Variants in ELOVL6 observed in about 807,000 individuals in gnomAD.
ELOVL6 encodes very long chain fatty acid elongase 6.
ELOVL6 carries 8 observed loss-of-function variants against 31.7 expected under a neutral mutation model. The observed-to-expected ratio is 0.25, with a 90% CI of 0.15 to 0.45. The LOEUF (loss-of-function observed/expected upper bound fraction) is 0.45. Among genes scored for constraint, ELOVL6 ranks in the 20% least tolerant of loss-of-function variants. ELOVL6 has a pLI of 1.00. For synonymous variants in ELOVL6, 101 were observed against 117.7 expected, an observed-to-expected ratio of 0.86 and a Z score of 0.92; for missense variants, 126 against 326.4, an observed-to-expected ratio of 0.39 and a Z score of 4.73.
At chr4:110,056,125 G>GGC (rs1553953513) in intron 3 of ELOVL6, among the ~76,000 whole-genome samples, 3 of 141,964 alleles carry the variant, frequency 2.1e-5, no homozygotes, top group African/African-American at 8.5e-5. Context: ...TGGGAGCTGG[G>GGC]GGGGGGGATA....
At chr4:110,067,581 G>A (rs2126225493) in intron 2 of ELOVL6, among the ~76,000 whole-genome samples, 1 of 152,238 alleles carries the variant, frequency 6.6e-6, no homozygotes, top group East Asian at 1.9e-4. Context: ...GAAGTGCCAA[G>A]AAATGTCCTC....
intron 2 of ELOVL6, among the ~76,000 whole-genome samples, chr4:110,081,883 A>T (rs1284046433): frequency 6.6e-6 from 1 of 150,840 alleles, no homozygotes; most frequent in Non-Finnish European, 1.5e-5. Context: ...CAAAGAACTC[A>T]AACAAATTTA....
At chr4:110,104,793 G>C (rs1756840662) in intron 2 of ELOVL6, among the ~76,000 whole-genome samples, 1 of 152,082 alleles carries the variant, frequency 6.6e-6, no homozygotes, top group Non-Finnish European at 1.5e-5. Context: ...AATTAGTCTT[G>C]TGATTGCCTA....
At chr4:110,115,482 G>T (rs984968185) in intron 1 of ELOVL6, among the ~76,000 whole-genome samples, 4 of 152,176 alleles carry the variant, frequency 2.6e-5, no homozygotes, top group Non-Finnish European at 5.9e-5. Context: ...GATGGCTCAT[G>T]CCTGTAATCC....
Position 110,051,877 on chromosome 4 carries a change from G to A in ELOVL6, c.374-115C>T. The A allele has an allele frequency of 1.2e-6, 1 of 828,094 alleles. No homozygotes were observed. Among genetic ancestry groups the A allele is most frequent in the Non-Finnish European group, 1.9e-6 (1 of 523,062 alleles). The allele number at this position is 828,094 out of a possible 1,614,324, so 51.3% of individuals were successfully genotyped here. On this transcript the variant is annotated intron_variant, in intron 3 of 3. Transcript: ENST00000302274. This position sits in a 1 kb window ranked among gnomAD's most constrained non-coding sequence, Gnocchi z 4.8. Reference sequence around the variant, plus strand: ...TAGGACTGGAGAGTTACATAGACTGGATTAGAACCCTGAACTGGTACTTAC... The same window carrying A: ...TAGGACTGGAGAGTTACATAGACTGAATTAGAACCCTGAACTGGTACTTAC...
At chr4:110,131,981 G>T (rs1385639080) in intron 1 of ELOVL6, among the ~76,000 whole-genome samples, 1 of 152,204 alleles carries the variant, frequency 6.6e-6, no homozygotes, top group Admixed American at 6.5e-5. Flanking sequence ...GGGGGAAGAG[G>T]TGCTTCTGCA....
chr4:110,183,378 C>T (rs1408218047), intron 1 of ELOVL6, among the ~76,000 whole-genome samples: 1 of 152,106 alleles, frequency 6.6e-6, no homozygotes, highest in Non-Finnish European at 1.5e-5. Flanking sequence ...CGGGCAGAAC[C>T]AATATATACC....
intron 3 of ELOVL6, among the ~76,000 whole-genome samples, chr4:110,056,129 G>GT (rs1553953533): frequency 7.0e-6 from 1 of 143,138 alleles, no homozygotes; most frequent in Non-Finnish European, 1.5e-5. Context: ...AGCTGGGGGG[G>GT]GGGATACAGT....
At position 110,046,128 on chromosome 4, in the gene ELOVL6, T is replaced by C. The variant is rs1055201300; in HGVS notation, c.*5210A>G. The stretch of plus-strand genomic sequence containing the variant: ...TGAAACGAGTATGACCAGGGAGGAC[T>C]GTTAGGCTACTTCTGTGGCCTTCTT... On this transcript the variant is annotated 3_prime_UTR_variant, in exon 4 of 4. Transcript: ENST00000302274. 2 of 152,154 alleles carry C rather than the reference T, an allele frequency of 1.3e-5. No individual in the cohort carries two copies. The highest frequency in any genetic ancestry group is 1.3e-4 in the Admixed American group (2 of 15,274). 9.4% of individuals were successfully genotyped at this position (152,154 alleles called of 1,614,324 possible).
At chr4:110,081,459 A>C (rs1488934175) in intron 2 of ELOVL6, among the ~76,000 whole-genome samples, 6 of 152,092 alleles carry the variant, frequency 3.9e-5, no homozygotes, top group African/African-American at 7.2e-5. Context: ...ACCATCTGAT[A>C]TTTGACAAAC....
At chr4:110,070,539 T>A (rs1043141295) in intron 2 of ELOVL6, among the ~76,000 whole-genome samples, 3 of 152,198 alleles carry the variant, frequency 2.0e-5, no homozygotes, top group Non-Finnish European at 4.4e-5. Context: ...CATCTCACAG[T>A]CCTAGGTAGG....
At chr4:110,114,605 T>C (rs1560828925) in intron 1 of ELOVL6, among the ~76,000 whole-genome samples, 2 of 152,206 alleles carry the variant, frequency 1.3e-5, no homozygotes, top group Non-Finnish European at 2.9e-5. Context: ...CCACTCATCC[T>C]TCCCCTATGG....
chr4:110,066,496 G>A (rs966807075), intron 2 of ELOVL6, among the ~76,000 whole-genome samples: 11 of 151,546 alleles, frequency 7.3e-5, no homozygotes, highest in South Asian at 2.1e-4. Flanking sequence ...AAAATTAGCC[G>A]GGCGTGGTGA....
At chr4:110,115,715 G>A (rs528455178) in intron 1 of ELOVL6, among the ~76,000 whole-genome samples, 22 of 152,290 alleles carry the variant, frequency 1.4e-4, no homozygotes, top group Non-Finnish European at 2.2e-4. Context: ...TGAGAACTCC[G>A]ATAATGGGGA....
intron 1 of ELOVL6, among the ~76,000 whole-genome samples, chr4:110,162,959 G>T (rs17041400): frequency 0.025 from 3,829 of 152,270 alleles, 163 homozygotes; most frequent in Admixed American, 0.1. Flanking sequence ...TGCAGCTGGG[G>T]TTTGAACTAA....
chr4:110,084,495 C>CATAT lies in ELOVL6; in HGVS notation c.221+20998_221+21001dup, dbSNP rs1178857568. The stretch of plus-strand genomic sequence containing the variant: ...AACAATATACACTATAATGTATACA[C>CATAT]ATATATATCATATATGTGTATACAT... On this transcript the variant is annotated intron_variant, in intron 2 of 3. Transcript: ENST00000302274. Among the ~76,000 whole-genome samples, 7 of 47,862 alleles carry CATAT rather than the reference C, an allele frequency of 1.5e-4. 2 individuals are homozygous for CATAT. Among genetic ancestry groups the CATAT allele is most frequent in the Non-Finnish European group, 2.9e-4 (7 of 24,424 alleles). The allele number at this position is 47,862 out of a possible 152,430, so 31.4% of individuals were successfully genotyped here.
chr4:110,101,141 A>G (rs2126244396), intron 2 of ELOVL6, among the ~76,000 whole-genome samples: 1 of 152,210 alleles, frequency 6.6e-6, no homozygotes, highest in East Asian at 1.9e-4. Context: ...CAGGGTTCAA[A>G]CGATTATCCT....
chr4:110,179,602 T>G (rs1459297211), intron 1 of ELOVL6, among the ~76,000 whole-genome samples: 1 of 152,170 alleles, frequency 6.6e-6, no homozygotes, highest in East Asian at 1.9e-4. Flanking sequence ...AAAATACAAT[T>G]TAAGCTAATA....
chr4:110,078,481 G>C (rs1393939575), intron 2 of ELOVL6, among the ~76,000 whole-genome samples: 2 of 152,126 alleles, frequency 1.3e-5, no homozygotes, highest in African/African-American at 4.8e-5. Flanking sequence ...TTCATATCCA[G>C]CCAAACTAAG....
Sources: gnomAD v4.1 joint callset for allele counts (sites outside exome capture counted in the v4.1 genomes callset) on GRCh38, gnomAD v4.1.1 for gene constraint, Gnocchi (gnomAD v3.1) non-coding constraint, MANE v1.5 for transcripts, NCBI Gene and HGNC (gene_info 2026-07-23, HGNC 2026-07-21) for gene names.